The following KIRREL3 variants were observed in gnomAD, a reference collection of about 807,000 sequenced individuals.
KIRREL3 encodes kin of IRRE-like protein 3.
KIRREL3 carries 36 observed loss-of-function variants against 89.7 expected under a neutral mutation model. That is an observed-to-expected ratio of 0.40 (90% CI 0.31 to 0.53). The LOEUF is 0.53. KIRREL3 is among the 20% of genes least tolerant of loss of function. The probability of loss-of-function intolerance (pLI) is 0.49; values close to 1 mark genes in which losing one functional copy is unlikely to be tolerated. For missense variants in KIRREL3, 864 were observed against 1,056.6 expected, an observed-to-expected ratio of 0.82 and a Z score of 2.53; for synonymous variants, 445 against 441.4, an observed-to-expected ratio of 1.01 and a Z score of -0.10.
chr11:126,476,686 A>G lies in KIRREL3; in HGVS notation c.434-3220T>C, dbSNP rs1033296969. Among the ~76,000 whole-genome samples the G allele has an allele frequency of 3.1e-4, 47 of 149,486 alleles. 1 individual carries two copies. Among genetic ancestry groups the G allele is most frequent in the Admixed American group, 1.5e-3 (23 of 14,970 alleles). On this transcript the variant is annotated intron_variant, in intron 4 of 16. Transcript: ENST00000525144. This position sits in a 1 kb window ranked among gnomAD's most constrained non-coding sequence, Gnocchi z 6.4. ...GGCTGGGGGGGGGTGGGGGTTGGTG[A>G]GGATGGAGGATGTTTGGGGGCCAGC... is the stretch of plus-strand genomic sequence containing the variant.
rs71048789 is a variant in KIRREL3 at position 126,455,632 on chromosome 11, C to CA, written c.848+716dup. 0.087 allele frequency among the ~76,000 whole-genome samples: 12,456 copies of CA among 142,908 alleles called. 1,641 individuals are homozygous for CA. The highest frequency in any genetic ancestry group is 0.29 in the African/African-American group (11,065 of 38,280). 93.8% of individuals were successfully genotyped at this position (142,908 alleles called of 152,430 possible). A position where few individuals can be genotyped will look rare whatever the true frequency, so the allele number is the denominator to read the frequency against. The stretch of plus-strand genomic sequence containing the variant: ...TGAAACGCTGTCTCTACTAAAAATA[C>CA]AAAAAAAAAAAAAAATTAGCTGGCG... On this transcript the variant is annotated intron_variant, in intron 7 of 16. Transcript: ENST00000525144. The surrounding 1 kb of genome is among the most constrained non-coding windows in gnomAD (Gnocchi z 6.4).
chr11:126,963,035 C>CA (rs1215217287), intron 1 of KIRREL3, among the ~76,000 whole-genome samples: 19 of 151,848 alleles, frequency 1.3e-4, no homozygotes, highest in Admixed American at 9.8e-4. Flanking sequence ...CACTGGGAAA[C>CA]AAAAAAAATT....
chr11:126,479,265 C>T (rs1239010722), intron 4 of KIRREL3, among the ~76,000 whole-genome samples: 1 of 152,184 alleles, frequency 6.6e-6, no homozygotes, highest in East Asian at 1.9e-4. Flanking sequence ...TCCCCAGGTT[C>T]CCCGCTGCAG....
rs1170898751 is a variant in KIRREL3 at position 126,647,644 on chromosome 11, C to T, written c.56-84732G>A. On this transcript the variant is annotated intron_variant, in intron 1 of 16. Transcript: ENST00000525144. The surrounding 1 kb of genome is among the most constrained non-coding windows in gnomAD (Gnocchi z 4.9). ...TTTGGAATCTGGTCTTCTTGCCCCT[C>T]CAAGGCTACCCCCTGGTCCAAGTCA... 6.6e-6 allele frequency among the ~76,000 whole-genome samples: 1 copy of T among 152,230 alleles called. No individual in the cohort carries two copies. The highest frequency in any genetic ancestry group is 2.4e-5 in the African/African-American group (1 of 41,452).
At position 126,636,789 on chromosome 11, in the gene KIRREL3, C is replaced by T. The variant is rs140217826; in HGVS notation, c.56-73877G>A. On this transcript the variant is annotated intron_variant, in intron 1 of 16. Coordinates refer to ENST00000525144, the MANE Select transcript of KIRREL3 (RefSeq NM_032531.4). This position sits in a 1 kb window ranked among gnomAD's most constrained non-coding sequence, Gnocchi z 4.4. ...GCAGCAATAATGCCAACTAGGAGTC[C>T]GGATGATCTGGACTTGAATTTGTAT... Among the ~76,000 whole-genome samples the T allele has an allele frequency of 7.2e-5, 11 of 152,286 alleles. No homozygotes were observed. The highest frequency in any genetic ancestry group is 3.4e-3 in the Middle Eastern group (1 of 294).
At chr11:126,743,604 A>G (rs1375907440) in intron 1 of KIRREL3, among the ~76,000 whole-genome samples, 1 of 152,256 alleles carries the variant, frequency 6.6e-6, no homozygotes, top group African/African-American at 2.4e-5. Flanking sequence ...GTAATATTAC[A>G]TATGTGAGAT....
At chr11:126,901,083 G>A (rs914441365) in intron 1 of KIRREL3, among the ~76,000 whole-genome samples, 5 of 151,946 alleles carry the variant, frequency 3.3e-5, no homozygotes, top group South Asian at 2.1e-4. Context: ...GCATGGTGGC[G>A]CACACCTGTA....
chr11:126,962,661 T>A (rs902205745), intron 1 of KIRREL3, among the ~76,000 whole-genome samples: 3 of 152,216 alleles, frequency 2.0e-5, no homozygotes, highest in Non-Finnish European at 2.9e-5. Context: ...AGGATGGACC[T>A]AAATTTTAAA....
chr11:126,445,168 A>G, intron 9 of KIRREL3, 63 bp from the exon 10 acceptor site: 1 of 1,586,496 alleles, frequency 6.3e-7, no homozygotes, highest in Admixed American at 1.7e-5. Context: ...TGTCTCTGGG[A>G]ACAAGGCAGC....
At position 126,530,665 on chromosome 11, in the gene KIRREL3, G is replaced by C. The variant is rs545627484; in HGVS notation, c.134-3978C>G. ...GGCGTCTCAGATGGAGCACAGAGTA[G>C]GTGCCTCACAGGCTCAGGTCCTGCT... On this transcript the variant is annotated intron_variant, in intron 2 of 16. Coordinates refer to ENST00000525144, the MANE Select transcript of KIRREL3 (RefSeq NM_032531.4). The surrounding 1 kb of genome is among the most constrained non-coding windows in gnomAD (Gnocchi z 5.8). Among the ~76,000 whole-genome samples the C allele has an allele frequency of 6.6e-5, 10 of 152,256 alleles. No individual in the cohort carries two copies. The South Asian group carries it at 1.9e-3, about 28-fold the overall frequency.
In KIRREL3 at chr11:126,522,460, C is replaced by T. The variant is rs75874507; in HGVS notation, c.284-996G>A. On this transcript the variant is annotated intron_variant, in intron 3 of 16. Transcript: ENST00000525144. The surrounding 1 kb of genome is among the most constrained non-coding windows in gnomAD (Gnocchi z 6.0). ...CCCTGTCTAGTCATTCCTCCTGTCC[C>T]GCCAGAAGCCCCAGGTCCTGGTGAC... Among the ~76,000 whole-genome samples, 833 of 152,296 alleles carry T rather than the reference C, an allele frequency of 5.5e-3. 5 individuals carry two copies. The highest frequency in any genetic ancestry group is 0.019 in the African/African-American group (793 of 41,560).
In KIRREL3 at chr11:126,544,873, C is replaced by T. The variant is rs1335791774; in HGVS notation, c.133+17962G>A. Among the ~76,000 whole-genome samples, 10 of 152,122 alleles carry T rather than the reference C, an allele frequency of 6.6e-5. No homozygotes were observed. On this transcript the variant is annotated intron_variant, in intron 2 of 16. Transcript: ENST00000525144. The surrounding 1 kb of genome is among the most constrained non-coding windows in gnomAD (Gnocchi z 5.6). ...AAGTCTGTCTTTGTTTGGCCATGCA[C>T]TGTCTAAACTCCTCTAACCTATTTA...
At chr11:126,453,963 C>T (rs1305080347) in intron 7 of KIRREL3, among the ~76,000 whole-genome samples, 1 of 152,118 alleles carries the variant, frequency 6.6e-6, no homozygotes, top group Non-Finnish European at 1.5e-5. Context: ...AGGGAGGACC[C>T]ACAGGCCACC....
chr11:126,699,452 G>C (rs988860962), intron 1 of KIRREL3, among the ~76,000 whole-genome samples: 12 of 152,184 alleles, frequency 7.9e-5, no homozygotes, highest in Admixed American at 7.9e-4. Flanking sequence ...GCGAGCTGCA[G>C]CTGCAATTTT....
chr11:126,439,671 G>A (rs979431299), intron 11 of KIRREL3, among the ~76,000 whole-genome samples: 1 of 151,532 alleles, frequency 6.6e-6, no homozygotes, highest in Non-Finnish European at 1.5e-5. Flanking sequence ...ACAAAAATTA[G>A]CGAGGTGTGG....
At chr11:126,973,414 G>T (rs1009828224) in intron 1 of KIRREL3, among the ~76,000 whole-genome samples, 1 of 152,208 alleles carries the variant, frequency 6.6e-6, no homozygotes, top group African/African-American at 2.4e-5. Context: ...ATCAAGTCAT[G>T]AGGGGATAAG....
At chr11:126,998,144 G>T (rs571627191) in intron 1 of KIRREL3, among the ~76,000 whole-genome samples, 10 of 152,326 alleles carry the variant, frequency 6.6e-5, no homozygotes, top group African/African-American at 2.2e-4. Flanking sequence ...TAGAGGTGGG[G>T]CACAGTACAT....
At chr11:126,446,683 T>C (rs1955828047) in intron 9 of KIRREL3, 76 bp downstream of exon 9, 2 of 1,458,444 alleles carry the variant, frequency 1.4e-6, no homozygotes, top group South Asian at 1.3e-5. Flanking sequence ...GAGAGGGGCC[T>C]GGGCAGCAGT....
At position 126,837,649 on chromosome 11, in the gene KIRREL3, G is replaced by T. The variant is rs545960608; in HGVS notation, c.55+162806C>A. On this transcript the variant is annotated intron_variant, in intron 1 of 16. Transcript: ENST00000525144. This position sits in a 1 kb window ranked among gnomAD's most constrained non-coding sequence, Gnocchi z 4.7. Reference sequence around the variant, plus strand: ...AGGGAATAATGACTCCATCTCCTCTGAACTGAAGCATAGGTAGGCTAACTA... The same window carrying T: ...AGGGAATAATGACTCCATCTCCTCTTAACTGAAGCATAGGTAGGCTAACTA... Among the ~76,000 whole-genome samples the T allele has an allele frequency of 3.9e-5, 6 of 152,286 alleles. No homozygotes were observed. In the South Asian group the frequency reaches 6.2e-4, roughly 16 times the overall value.
Sources: allele counts gnomAD v4.1 joint callset (sites outside exome capture counted in the v4.1 genomes callset), GRCh38; gene constraint gnomAD v4.1.1; non-coding constraint Gnocchi (gnomAD v3.1); transcripts MANE v1.5; gene names NCBI Gene and HGNC (gene_info 2026-07-23, HGNC 2026-07-21).